The following PPP2R2B variants were observed in gnomAD, a reference collection of about 807,000 sequenced individuals.
The protein encoded by PPP2R2B is serine/threonine-protein phosphatase 2A 55 kDa regulatory subunit B beta isoform.
In PPP2R2B, 5 loss-of-function variants were observed where a neutral mutation model predicts 46.0. That is an observed-to-expected ratio of 0.11 (90% CI 0.06 to 0.23). The LOEUF (loss-of-function observed/expected upper bound fraction) is 0.23. Ranked by LOEUF, PPP2R2B falls within the 10% of genes least tolerant of loss-of-function variation. The pLI is 1.00. For missense variants in PPP2R2B, 367 were observed against 575.0 expected, an observed-to-expected ratio of 0.64 and a Z score of 3.70; for synonymous variants, 215 against 206.7, an observed-to-expected ratio of 1.04 and a Z score of -0.34.
intron 6 of PPP2R2B, among the ~76,000 whole-genome samples, chr5:146,641,992 C>A (rs1775256610): frequency 6.6e-6 from 1 of 152,164 alleles, no homozygotes; most frequent in African/African-American, 2.4e-5. Context: ...ATTAAATTAA[C>A]CCTGGGGCTT....
chr5:146,621,998 C>A (rs1773736258), intron 7 of PPP2R2B, among the ~76,000 whole-genome samples: 1 of 152,106 alleles, frequency 6.6e-6, no homozygotes. Flanking sequence ...AAACACAGAC[C>A]CCAAGGCCTG....
chr5:146,862,002 T>C (rs893409888), intron 2 of PPP2R2B, among the ~76,000 whole-genome samples: 1 of 152,192 alleles, frequency 6.6e-6, no homozygotes, highest in African/African-American at 2.4e-5. Context: ...ACCTGCTGAA[T>C]GGTTAAAGAG....
At chr5:147,026,096 G>A (rs965389407) in intron 1 of PPP2R2B, among the ~76,000 whole-genome samples, 9 of 152,096 alleles carry the variant, frequency 5.9e-5, no homozygotes, top group African/African-American at 1.2e-4. Flanking sequence ...TTCCCCTATC[G>A]TATGATCAAA....
chr5:147,008,931 A>C (rs1754578891), intron 1 of PPP2R2B, among the ~76,000 whole-genome samples: 1 of 152,176 alleles, frequency 6.6e-6, no homozygotes, highest in Admixed American at 6.6e-5. Flanking sequence ...GTGGGAAGTG[A>C]TATTCACATC....
At position 147,039,669 on chromosome 5, in the gene PPP2R2B, A is replaced by G. The variant is rs183099822; in HGVS notation, c.79+15996T>C. Among the ~76,000 whole-genome samples, 189 of 152,304 alleles carry G rather than the reference A, an allele frequency of 1.2e-3. 1 individual carries two copies. The highest frequency in any genetic ancestry group is 3.5e-3 in the African/African-American group (147 of 41,560). ...TTGAAGGCAACTTCTGCAGTTAAGT[A>G]TATGCAAGTTCATCATTTCAATTTT... On this transcript the variant is annotated intron_variant, in intron 1 of 8. Transcript: ENST00000336640.
intron 1 of PPP2R2B, among the ~76,000 whole-genome samples, chr5:146,897,730 G>A (rs572332914): frequency 3.0e-4 from 46 of 152,050 alleles, no homozygotes; most frequent in African/African-American, 7.7e-4. Flanking sequence ...ATTTGTATGT[G>A]CAGAAACATT....
intron 1 of PPP2R2B, among the ~76,000 whole-genome samples, chr5:146,899,671 G>C (rs959302310): frequency 2.6e-5 from 4 of 151,954 alleles, no homozygotes; most frequent in African/African-American, 9.7e-5. Flanking sequence ...CAAAATATCA[G>C]AGATATACAA....
chr5:146,722,806 C>G (rs1191249207), intron 2 of PPP2R2B, among the ~76,000 whole-genome samples: 1 of 152,118 alleles, frequency 6.6e-6, no homozygotes, highest in Non-Finnish European at 1.5e-5. Flanking sequence ...TTGAAGAAAC[C>G]CAGTTTGACA....
chr5:146,796,859 T>A (rs1388207325), intron 2 of PPP2R2B, among the ~76,000 whole-genome samples: 2 of 152,178 alleles, frequency 1.3e-5, no homozygotes, highest in Non-Finnish European at 2.9e-5. Flanking sequence ...TGATTATTGC[T>A]ACTAATTAAG....
chr5:147,032,820 C>T (rs576388276), intron 1 of PPP2R2B, among the ~76,000 whole-genome samples: 77 of 152,280 alleles, frequency 5.1e-4, no homozygotes, highest in African/African-American at 1.7e-3. Flanking sequence ...TATAAACGTG[C>T]GTGTGCAAGT....
intron 1 of PPP2R2B, among the ~76,000 whole-genome samples, chr5:146,938,290 G>GA (rs1479941992): frequency 1.3e-5 from 2 of 152,150 alleles, no homozygotes; most frequent in South Asian, 2.1e-4. Flanking sequence ...TCTTTAAAGA[G>GA]AAAATGCATG....
chr5:146,653,133 G>C (rs1776091816), intron 5 of PPP2R2B, among the ~76,000 whole-genome samples: 1 of 152,142 alleles, frequency 6.6e-6, no homozygotes, highest in South Asian at 2.1e-4. Flanking sequence ...CAGGCAGAGA[G>C]AGGCTAAGTC....
At chr5:146,625,467 T>C (rs1223764992) in intron 7 of PPP2R2B, among the ~76,000 whole-genome samples, 1 of 152,214 alleles carries the variant, frequency 6.6e-6, no homozygotes, top group Non-Finnish European at 1.5e-5. Flanking sequence ...TCTAAAAGCA[T>C]TTCTTTAGCA....
chr5:146,732,700 T>C (rs1752304526), intron 2 of PPP2R2B, among the ~76,000 whole-genome samples: 2 of 152,168 alleles, frequency 1.3e-5, no homozygotes. Context: ...AGCTTAGGAA[T>C]ATGCAAATCA....
In PPP2R2B at chr5:146,597,034, G is replaced by A. The variant is rs898934006; in HGVS notation, c.960+3257C>T. Among the ~76,000 whole-genome samples, 4 of 152,174 alleles carry A rather than the reference G, an allele frequency of 2.6e-5. No homozygotes were observed. In the East Asian group the frequency reaches 7.7e-4, roughly 29 times the overall value. ...CCACATGCCAGTGTTGGGTAGCTGGGCTCCTTGTTGCTCCAGACAACTATT... is the reference window on the plus strand; with the variant it reads ...CCACATGCCAGTGTTGGGTAGCTGGACTCCTTGTTGCTCCAGACAACTATT... On this transcript the variant is annotated intron_variant, in intron 8 of 9. Coordinates refer to ENST00000394411, the MANE Select transcript of PPP2R2B (RefSeq NM_181675.4).
intron 7 of PPP2R2B, among the ~76,000 whole-genome samples, chr5:146,618,983 C>A (rs1447759251): frequency 2.0e-5 from 3 of 152,202 alleles, no homozygotes; most frequent in Non-Finnish European, 4.4e-5. Flanking sequence ...TGATAGCCAA[C>A]AGTCCTACCC....
intron 2 of PPP2R2B, among the ~76,000 whole-genome samples, chr5:147,061,392 G>A (rs1211127239): frequency 6.6e-6 from 1 of 151,976 alleles, no homozygotes; most frequent in Non-Finnish European, 1.5e-5. Context: ...AATGGGTTTG[G>A]CCCTCTCATT....
intron 2 of PPP2R2B, among the ~76,000 whole-genome samples, chr5:146,849,427 T>C (rs6882374): frequency 0.027 from 4,175 of 152,284 alleles, 202 homozygotes; most frequent in African/African-American, 0.094. Context: ...GAAATGACTG[T>C]AAGCTTCTTA....
chr5:146,624,016 C>T (rs1773877215), intron 7 of PPP2R2B, among the ~76,000 whole-genome samples: 1 of 152,144 alleles, frequency 6.6e-6, no homozygotes, highest in South Asian at 2.1e-4. Flanking sequence ...CTCCATCTTA[C>T]AGGGCCATGC....
Sources: gnomAD v4.1 joint callset for allele counts (sites outside exome capture counted in the v4.1 genomes callset) on GRCh38, gnomAD v4.1.1 for gene constraint, MANE v1.5 for transcripts, NCBI Gene and HGNC (gene_info 2026-07-23, HGNC 2026-07-21) for gene names.